Variants in FGF14 observed in about 807,000 individuals in gnomAD.
FGF14 encodes the protein fibroblast growth factor homologous factor 4.
FGF14 carries 5 observed loss-of-function variants against 25.5 expected under a neutral mutation model. That is an observed-to-expected ratio of 0.20 (90% CI 0.10 to 0.41). The LOEUF (loss-of-function observed/expected upper bound fraction) is 0.41. FGF14 is among the 10% of genes least tolerant of loss of function. The pLI is 1.00. For missense variants in FGF14, 222 were observed against 320.1 expected (o/e 0.69, Z 2.34); for synonymous variants, 138 against 118.3 (o/e 1.17, Z -1.08).
intron 1 of FGF14, among the ~76,000 whole-genome samples, chr13:102,270,033 A>T (rs967504934): frequency 6.6e-5 from 10 of 152,148 alleles, no homozygotes; most frequent in African/African-American, 2.4e-4. Flanking sequence ...GAGCAAGTTT[A>T]AAAAAATTCT....
chr13:101,847,712 A>C (rs566725141), intron 3 of FGF14, among the ~76,000 whole-genome samples: 1 of 152,178 alleles, frequency 6.6e-6, no homozygotes, highest in Non-Finnish European at 1.5e-5. Flanking sequence ...TCAAATCTAC[A>C]GTTATTGAAG....
chr13:102,195,856 C>T (rs1211700426), intron 1 of FGF14, among the ~76,000 whole-genome samples: 2 of 150,702 alleles, frequency 1.3e-5, no homozygotes, highest in African/African-American at 4.9e-5. Context: ...GGCAAAATGG[C>T]AGATGTAAAG....
At chr13:102,090,137 T>C (rs968898706) in intron 1 of FGF14, among the ~76,000 whole-genome samples, 2 of 152,222 alleles carry the variant, frequency 1.3e-5, no homozygotes, top group Admixed American at 1.3e-4. Context: ...AAATTATCAT[T>C]GCAACAAAAA....
chr13:102,155,397 C>T, intron 1 of FGF14, among the ~76,000 whole-genome samples: 1 of 152,190 alleles, frequency 6.6e-6, no homozygotes, highest in East Asian at 1.9e-4. Context: ...ACTGAACAAC[C>T]TGCTCTGAAT....
intron 1 of FGF14, among the ~76,000 whole-genome samples, chr13:102,018,433 C>G (rs1357210112): frequency 6.6e-6 from 1 of 152,148 alleles, no homozygotes; most frequent in Non-Finnish European, 1.5e-5. Context: ...TCCTCTGGCT[C>G]AGAATCCTCT....
chr13:101,946,905 C>A (rs894623256), intron 1 of FGF14, among the ~76,000 whole-genome samples: 1 of 152,034 alleles, frequency 6.6e-6, no homozygotes, highest in Non-Finnish European at 1.5e-5. Flanking sequence ...TAATATTGAA[C>A]CCAGTGAGGT....
intron 1 of FGF14, among the ~76,000 whole-genome samples, chr13:101,936,173 C>T (rs779144640): frequency 6.6e-6 from 1 of 152,206 alleles, no homozygotes; most frequent in Admixed American, 6.5e-5. Context: ...AGCCAGTGCG[C>T]TCCTGCAGGG....
chr13:101,796,346 T>C (rs9518553), intron 3 of FGF14, among the ~76,000 whole-genome samples: 62,610 of 151,788 alleles, frequency 0.41, 15,207 homozygotes, highest in Non-Finnish European at 0.54. Flanking sequence ...CCCCTGACCC[T>C]TTATATCTTG....
At chr13:102,004,361 G>C (rs1042410636) in intron 1 of FGF14, among the ~76,000 whole-genome samples, 2 of 152,168 alleles carry the variant, frequency 1.3e-5, no homozygotes, top group African/African-American at 2.4e-5. Flanking sequence ...CATCAGACCA[G>C]ACTGGAATGT....
intron 1 of FGF14, among the ~76,000 whole-genome samples, chr13:102,365,658 C>T (rs374287708): frequency 6.6e-6 from 1 of 152,176 alleles, no homozygotes; most frequent in Non-Finnish European, 1.5e-5. Context: ...CTGTCTCACT[C>T]ACCTTGCTAA....
At chr13:102,357,802 C>A (rs2139018882) in intron 1 of FGF14, among the ~76,000 whole-genome samples, 1 of 152,276 alleles carries the variant, frequency 6.6e-6, no homozygotes. Context: ...ACTGATTATA[C>A]TCACTTTATA....
intron 3 of FGF14, chr13:101,802,068 C>A: frequency 3.0e-6 from 1 of 329,860 alleles, no homozygotes; most frequent in Non-Finnish European, 6.0e-6. Flanking sequence ...GATAAAATGG[C>A]AAAGGCAGAA....
intron 1 of FGF14, among the ~76,000 whole-genome samples, chr13:101,932,533 CAAAAAA>C (rs60522790): frequency 2.5e-5 from 2 of 79,072 alleles, no homozygotes; most frequent in African/African-American, 1.1e-4. Flanking sequence ...GACTCCATGT[CAAAAAA>C]AAAAAAAAAG....
At chr13:102,035,239 C>T (rs965491000) in intron 1 of FGF14, among the ~76,000 whole-genome samples, 7 of 152,048 alleles carry the variant, frequency 4.6e-5, no homozygotes, top group Admixed American at 2.6e-4. Context: ...CTGGGGTGAG[C>T]ATAGAAAGAG....
intron 1 of FGF14, among the ~76,000 whole-genome samples, chr13:102,330,888 T>C (rs1309770069): frequency 6.6e-6 from 1 of 152,228 alleles, no homozygotes; most frequent in Admixed American, 6.5e-5. Context: ...TACTTTATTT[T>C]CTGCAATTTT....
At chr13:101,739,695 G>C (rs2036418541) in intron 3 of FGF14, among the ~76,000 whole-genome samples, 2 of 152,204 alleles carry the variant, frequency 1.3e-5, no homozygotes, top group South Asian at 4.1e-4. Flanking sequence ...AGTAGGATTT[G>C]GGATTTGGGT....
chr13:102,246,291 T>C (rs1566858569), intron 1 of FGF14, among the ~76,000 whole-genome samples: 1 of 152,098 alleles, frequency 6.6e-6, no homozygotes, highest in South Asian at 2.1e-4. Context: ...CCCTTGGCAG[T>C]CATTATAATG....
chr13:102,028,738 C>G (rs928865324), intron 1 of FGF14, among the ~76,000 whole-genome samples: 5 of 151,846 alleles, frequency 3.3e-5, no homozygotes, highest in Non-Finnish European at 7.4e-5. Context: ...ATCTTTAAAG[C>G]TTTAAATCAC....
intron 1 of FGF14, among the ~76,000 whole-genome samples, chr13:102,188,336 G>T (rs1395972285): frequency 2.0e-5 from 3 of 152,130 alleles, no homozygotes; most frequent in Non-Finnish European, 2.9e-5. Context: ...GACAAGTAAG[G>T]TGAAAGCAAT....
Sources: gnomAD v4.1 joint callset for allele counts (sites outside exome capture counted in the v4.1 genomes callset) on GRCh38, gnomAD v4.1.1 for gene constraint, MANE v1.5 for transcripts, NCBI Gene and HGNC (gene_info 2026-07-23, HGNC 2026-07-21) for gene names.